TRIM37: variants seen among roughly 807,000 people sequenced by gnomAD.
TRIM37 encodes tripartite motif containing 37.
In TRIM37, 80 loss-of-function variants were observed where a neutral mutation model predicts 129.8. That is an observed-to-expected ratio of 0.62 (90% confidence interval 0.51 to 0.74). The LOEUF is 0.74. Ranked by LOEUF, TRIM37 falls within the 30% of genes least tolerant of loss-of-function variation. TRIM37 has a pLI of 0.00. For missense variants in TRIM37, 1,054 were observed against 1,176.5 expected, an observed-to-expected ratio of 0.90 and a Z score of 1.52; for synonymous variants, 389 against 387.1, an observed-to-expected ratio of 1.00 and a Z score of -0.06.
At chr17:59,002,176 T>C (rs544374817) in intron 22 of TRIM37, among the ~76,000 whole-genome samples, 46 of 152,312 alleles carry the variant, frequency 3.0e-4, no homozygotes, top group Non-Finnish European at 6.0e-4. Flanking sequence ...GCAATTCTAA[T>C]AATAGTTTGT....
At position 59,041,997 on chromosome 17, in the gene TRIM37, A is replaced by T. The variant is rs1362972974; in HGVS notation, c.1668-99T>A. 9 of 814,412 alleles carry T rather than the reference A, an allele frequency of 1.1e-5. No individual in the cohort carries two copies. The East Asian group carries it at 2.1e-4, about 19-fold the overall frequency. The allele number at this position is 814,412 out of a possible 1,614,324, so 50.4% of individuals were successfully genotyped here. A position where few individuals can be genotyped will look rare whatever the true frequency, so the allele number is the denominator to read the frequency against. On this transcript the variant is annotated intron_variant, in intron 16 of 23. Transcript: ENST00000262294. Reference sequence around the variant, plus strand: ...TATGATATGCAGATTTTTCTGTGAAATAAGATATTTCTAAATACAAAAAGG... The same window carrying T: ...TATGATATGCAGATTTTTCTGTGAATTAAGATATTTCTAAATACAAAAAGG...
chr17:59,020,944 C>T (rs2036530371), intron 19 of TRIM37, among the ~76,000 whole-genome samples: 1 of 152,274 alleles, frequency 6.6e-6, no homozygotes, highest in South Asian at 2.1e-4. Flanking sequence ...AAAAATAGAT[C>T]TACCATATGA....
At chr17:59,050,332 G>A (rs949591291) in intron 14 of TRIM37, among the ~76,000 whole-genome samples, 7 of 152,332 alleles carry the variant, frequency 4.6e-5, no homozygotes, top group Admixed American at 1.3e-4. Flanking sequence ...TAGATTTGCA[G>A]TAACCAATGC....
Position 59,005,269 on chromosome 17 carries a change from ACT to A in TRIM37, c.2696-3557_2696-3556del, listed in dbSNP as rs376114105. On this transcript the variant is annotated intron_variant, in intron 22 of 23. Transcript: ENST00000262294. The stretch of plus-strand genomic sequence containing the variant: ...AAAAGTTATTAAATACATTTTTCAA[ACT>A]CTATTCATTACATGTGTATCTTTTT... 1.3e-3 allele frequency among the ~76,000 whole-genome samples: 194 copies of A among 151,604 alleles called. 2 individuals are homozygous for A. In the Middle Eastern group the frequency reaches 0.017, roughly 13 times the overall value.
At chr17:59,071,914 G>A (rs534742100) in intron 8 of TRIM37, among the ~76,000 whole-genome samples, 6 of 152,270 alleles carry the variant, frequency 3.9e-5, no homozygotes, top group African/African-American at 1.4e-4. Context: ...TTTGTTATAA[G>A]GATTATGAAG....
In TRIM37 at chr17:59,083,773, T is replaced by C. The variant is rs182029094; in HGVS notation, c.369+229A>G. ...AAGATCTGCAAATGAATAGAGGATATGTTTTATAGGTGTTACAGATTAAAA... is the reference window on the plus strand; with the variant it reads ...AAGATCTGCAAATGAATAGAGGATACGTTTTATAGGTGTTACAGATTAAAA... On this transcript the variant is annotated intron_variant, in intron 5 of 23. Coordinates refer to ENST00000262294, the MANE Select transcript of TRIM37 (RefSeq NM_015294.6). Among the ~76,000 whole-genome samples the C allele has an allele frequency of 4.5e-3, 692 of 152,276 alleles. 4 individuals are homozygous for C. Among genetic ancestry groups the C allele is most frequent in the Non-Finnish European group, 8.1e-3 (553 of 68,028 alleles).
chr17:59,101,673 A>G (rs1409277429), intron 2 of TRIM37, among the ~76,000 whole-genome samples: 123 of 116,870 alleles, frequency 1.1e-3, no homozygotes, highest in African/African-American at 4.3e-3. Flanking sequence ...AAAAAAAAAA[A>G]AAAAATATAT....
rs1014376108 is a variant in TRIM37 at position 59,014,026 on chromosome 17, G to A, written c.2577-1580C>T. ...AAGTTCATGTATATTTAATTGTGGT[G>A]ACTAAAGGCAGATAAAAATATCTCC... On this transcript the variant is annotated intron_variant, in intron 21 of 23. Coordinates refer to ENST00000262294, the MANE Select transcript of TRIM37 (RefSeq NM_015294.6). Among the ~76,000 whole-genome samples the A allele has an allele frequency of 1.5e-4, 23 of 152,210 alleles. No individual in the cohort carries two copies. In the Middle Eastern group the frequency reaches 0.01, roughly 68 times the overall value.
intron 7 of TRIM37, among the ~76,000 whole-genome samples, chr17:59,076,755 GA>G (rs924061035): frequency 2.0e-5 from 3 of 152,082 alleles, no homozygotes; most frequent in Non-Finnish European, 2.9e-5. Context: ...ATTTGATAAG[GA>G]AAAACATTTA....
chr17:59,094,782 A>G (rs1227172591), intron 2 of TRIM37, among the ~76,000 whole-genome samples: 1 of 151,676 alleles, frequency 6.6e-6, no homozygotes, highest in Non-Finnish European at 1.5e-5. Context: ...AAAACAAAAC[A>G]AAAAAAAACC....
At chr17:58,978,723 T>C (rs1598715309), downstream of TRIM37, among the ~76,000 whole-genome samples, 2 of 152,044 alleles carry the variant, frequency 1.3e-5, no homozygotes, top group East Asian at 3.9e-4. Flanking sequence ...AAAAAGTGAA[T>C]TGAGAGTCCC....
At chr17:59,023,861 C>T (rs1378331511) in intron 19 of TRIM37, among the ~76,000 whole-genome samples, 1 of 152,056 alleles carries the variant, frequency 6.6e-6, no homozygotes, top group Non-Finnish European at 1.5e-5. Flanking sequence ...TTATGATTAT[C>T]TGCTGATGAT....
intron 19 of TRIM37, 85 bp from the exon 20 acceptor site, chr17:59,017,509 T>C: frequency 6.3e-7 from 1 of 1,576,738 alleles, no homozygotes; most frequent in South Asian, 1.1e-5. Context: ...GTTTTAATCT[T>C]ACCTTGCATG....
At chr17:58,974,216 G>T in the TRIM37 span, among the ~76,000 whole-genome samples, 1 of 152,128 alleles carries the variant, frequency 6.6e-6, no homozygotes, top group Admixed American at 6.5e-5. Context: ...GCCTTTCTCC[G>T]TATTTTATCC....
chr17:59,060,856 T>C (rs1432538559), intron 12 of TRIM37, among the ~76,000 whole-genome samples, 176 bp downstream of exon 12: 1 of 152,192 alleles, frequency 6.6e-6, no homozygotes, highest in Non-Finnish European at 1.5e-5. Context: ...AATACAAGTT[T>C]TCTTAAAAAT....
chr17:58,979,716 G>A (rs939255654), downstream of TRIM37, among the ~76,000 whole-genome samples: 2 of 152,190 alleles, frequency 1.3e-5, no homozygotes, highest in African/African-American at 4.8e-5. Context: ...CATAGCCAGA[G>A]GTGCAGATTC....
chr17:59,019,707 C>G (rs1364428800), intron 19 of TRIM37, among the ~76,000 whole-genome samples: 2 of 129,070 alleles, frequency 1.5e-5, no homozygotes, highest in South Asian at 4.9e-4. Flanking sequence ...GACTCCGTCT[C>G]AAAAAAAAAA....
intron 17 of TRIM37, among the ~76,000 whole-genome samples, chr17:59,033,756 A>G (rs2038149021): frequency 1.3e-5 from 2 of 151,564 alleles, no homozygotes; most frequent in Admixed American, 1.3e-4. Flanking sequence ...GGAATTCCCA[A>G]ATTGGGTTGT....
intron 24 of TRIM37, among the ~76,000 whole-genome samples, chr17:58,989,417 C>T (rs2032136301): frequency 6.6e-6 from 1 of 151,914 alleles, no homozygotes; most frequent in South Asian, 2.1e-4. Flanking sequence ...GCCTGGGTGA[C>T]AGAGCGAGAC....
Sources: gnomAD v4.1 joint callset for allele counts (sites outside exome capture counted in the v4.1 genomes callset) on GRCh38, gnomAD v4.1.1 for gene constraint, MANE v1.5 for transcripts, NCBI Gene and HGNC (gene_info 2026-07-23, HGNC 2026-07-21) for gene names.